ARRDC1: variants seen among roughly 807,000 people sequenced by gnomAD.
The protein encoded by ARRDC1 is arrestin domain containing 1.
Under a neutral mutation model 40.1 loss-of-function variants are expected in ARRDC1, and 37 were observed. That is an observed-to-expected ratio of 0.92 (90% CI 0.71 to 1.21). ARRDC1 has a LOEUF of 1.21. ARRDC1 is among the 50% of genes most tolerant of loss of function. The probability of loss-of-function intolerance (pLI) is 0.00; values close to 1 mark genes in which losing one functional copy is unlikely to be tolerated. For synonymous variants in ARRDC1, 310 were observed against 262.5 expected, an observed-to-expected ratio of 1.18 and a Z score of -1.75; for missense variants, 641 against 581.9, an observed-to-expected ratio of 1.10 and a Z score of -1.04.
chr9:137,605,729 G>A lies in ARRDC1; in HGVS notation c.12G>A (p.Val4=), dbSNP rs1335808156. ...GGTGAGGCCGCGGCATGGGGCGAGT[G>A]CAGCTCTTCGAGATCAGCCTGAGCC... MGR[V]QLFEISLSHG... is the part of the protein sequence containing the mutation. Residue 4 remains valine, a synonymous_variant, in exon 1 of 8, where the codon GTG becomes GTA. Coordinates refer to ENST00000371421, the MANE Select transcript of ARRDC1 (RefSeq NM_152285.4). 1.4e-6 allele frequency: 2 copies of A among 1,385,336 alleles called. No homozygotes were observed. The highest frequency in any genetic ancestry group is 2.9e-5 in the Admixed American group (1 of 34,466). The allele number at this position is 1,385,336 out of a possible 1,614,324, so 85.8% of individuals were successfully genotyped here.
Sources: gnomAD v4.1 joint callset for allele counts on GRCh38, gnomAD v4.1.1 for gene constraint, MANE v1.5 for transcripts, NCBI Gene and HGNC (gene_info 2026-07-23, HGNC 2026-07-21) for gene names.